Variants in GPC3 observed in about 807,000 individuals in gnomAD.
GPC3 encodes the protein glypican 3.
Under a neutral mutation model 34.4 loss-of-function variants are expected in GPC3, and 3 were observed. The ratio of observed to expected loss-of-function variants is 0.09; its 90% CI spans 0.04 to 0.23. GPC3 has a LOEUF of 0.23. GPC3 is among the 10% of genes least tolerant of loss of function. The pLI is 1.00. For missense variants in GPC3, 351 were observed against 445.6 expected, an observed-to-expected ratio of 0.79 and a Z score of 1.91; for synonymous variants, 177 against 174.0, an observed-to-expected ratio of 1.02 and a Z score of -0.13.
At chrX:133,746,045 A>G (rs961876610) in intron 3 of GPC3, among the ~76,000 whole-genome samples, 1 of 112,221 alleles carries the variant, frequency 8.9e-6, no homozygotes, top group Admixed American at 9.5e-5. Flanking sequence ...GGAGTCATTC[A>G]GCTCTCTTTG....
intron 7 of GPC3, among the ~76,000 whole-genome samples, chrX:133,580,480 G>A (rs917073157): frequency 4.5e-5 from 5 of 111,611 alleles, no homozygotes; most frequent in Admixed American, 9.6e-5. Flanking sequence ...TGGTGTGTGG[G>A]GAGAAGGAAA....
At chrX:133,966,534 G>T (rs988754151) in intron 1 of GPC3, among the ~76,000 whole-genome samples, 1 of 111,661 alleles carries the variant, frequency 9.0e-6, no homozygotes, top group Non-Finnish European at 1.9e-5. Flanking sequence ...TTACATTCTC[G>T]GCCACTGTAA....
At chrX:133,815,782 G>A (rs948524294) in intron 2 of GPC3, among the ~76,000 whole-genome samples, 5 of 111,696 alleles carry the variant, frequency 4.5e-5, no homozygotes, top group South Asian at 3.8e-4. Context: ...TTTGCATGAC[G>A]TTCTTGCCTC....
At chrX:133,556,428 T>A (rs1250068003) in intron 7 of GPC3, among the ~76,000 whole-genome samples, 3 of 111,442 alleles carry the variant, frequency 2.7e-5, no homozygotes, top group African/African-American at 9.8e-5. Context: ...CCTCTTTCTT[T>A]CTCATTACTG....
chrX:133,961,746 C>A (rs932521736), intron 1 of GPC3, among the ~76,000 whole-genome samples: 2 of 111,698 alleles, frequency 1.8e-5, no homozygotes, highest in African/African-American at 6.5e-5. Context: ...GGATACTTCA[C>A]TCACACCCTC....
chrX:133,592,172 C>T (rs941464322), intron 7 of GPC3, among the ~76,000 whole-genome samples: 32 of 109,871 alleles, frequency 2.9e-4, no homozygotes, highest in African/African-American at 8.3e-4. Context: ...ATGTGCACAA[C>T]GTGCAGGTTT....
intron 5 of GPC3, among the ~76,000 whole-genome samples, chrX:133,666,726 T>C (rs1204358710): frequency 8.9e-6 from 1 of 112,349 alleles, no homozygotes; most frequent in African/African-American, 3.2e-5. Flanking sequence ...AAAGTAGATC[T>C]GTATGTGTTG....
At chrX:133,650,304 C>A (rs891532084) in intron 6 of GPC3, among the ~76,000 whole-genome samples, 1 of 110,658 alleles carries the variant, frequency 9.0e-6, no homozygotes, top group East Asian at 2.8e-4. Flanking sequence ...CCTGGTGGGG[C>A]TGAAGATTAA....
At chrX:133,665,443 T>C (rs995673739) in intron 5 of GPC3, among the ~76,000 whole-genome samples, 6 of 111,946 alleles carry the variant, frequency 5.4e-5, no homozygotes, top group Non-Finnish European at 1.1e-4. Context: ...ATACAATATA[T>C]CTGCCAATAT....
intron 1 of GPC3, among the ~76,000 whole-genome samples, chrX:133,953,918 A>T (rs1351791838): frequency 8.9e-6 from 1 of 112,398 alleles, no homozygotes; most frequent in African/African-American, 3.2e-5. Flanking sequence ...CTATAGAGAA[A>T]GTAAAACAAA....
At chrX:133,963,484 C>T (rs773599389) in intron 1 of GPC3, among the ~76,000 whole-genome samples, 40 of 111,950 alleles carry the variant, frequency 3.6e-4, no homozygotes, top group African/African-American at 1.3e-3. Context: ...AAACACATGC[C>T]TCCATTTCCT....
intron 4 of GPC3, among the ~76,000 whole-genome samples, chrX:133,696,244 T>A (rs1376837960): frequency 8.9e-6 from 1 of 112,269 alleles, no homozygotes; most frequent in African/African-American, 3.2e-5. Flanking sequence ...TTTTCGAGGG[T>A]AGGGAAGAAG....
At chrX:133,939,623 C>G (rs2076336450) in intron 2 of GPC3, among the ~76,000 whole-genome samples, 1 of 111,764 alleles carries the variant, frequency 8.9e-6, no homozygotes, top group Non-Finnish European at 1.9e-5. Flanking sequence ...ATCACTTTCC[C>G]CATTAACTCA....
chrX:133,931,932 C>T (rs2076300615), intron 2 of GPC3, among the ~76,000 whole-genome samples: 1 of 111,751 alleles, frequency 8.9e-6, no homozygotes, highest in Non-Finnish European at 1.9e-5. Context: ...GGCTCCCCTC[C>T]AAAAGATCAA....
intron 2 of GPC3, among the ~76,000 whole-genome samples, chrX:133,924,239 T>TGCG (rs2076265906): frequency 9.0e-6 from 1 of 111,696 alleles, no homozygotes; most frequent in Non-Finnish European, 1.9e-5. Flanking sequence ...CCAATGAGTT[T>TGCG]ATCGCACAAT....
intron 6 of GPC3, among the ~76,000 whole-genome samples, chrX:133,607,708 C>T (rs960525166): frequency 1.2e-4 from 13 of 112,487 alleles, no homozygotes; most frequent in African/African-American, 1.9e-4. Flanking sequence ...GCTGAACAGA[C>T]GGACTGAGTG....
At chrX:133,590,758 A>T (rs767435839) in intron 7 of GPC3, among the ~76,000 whole-genome samples, 8 of 111,619 alleles carry the variant, frequency 7.2e-5, no homozygotes, top group Non-Finnish European at 1.3e-4. Flanking sequence ...GGAAAATGAG[A>T]TCTTTTCTAT....
At chrX:133,646,851 G>A (rs968091284) in intron 6 of GPC3, among the ~76,000 whole-genome samples, 1 of 111,514 alleles carries the variant, frequency 9.0e-6, no homozygotes, top group Admixed American at 9.5e-5. Flanking sequence ...GTCAGAAAAG[G>A]GCGACTGAAC....
intron 6 of GPC3, among the ~76,000 whole-genome samples, chrX:133,640,632 C>T (rs182864459): frequency 5.6e-4 from 63 of 112,427 alleles, no homozygotes; most frequent in African/African-American, 2.0e-3. Flanking sequence ...AAAATCTCCT[C>T]CTCAATCTGA....
Sources: allele counts gnomAD v4.1 joint callset (sites outside exome capture counted in the v4.1 genomes callset), GRCh38; gene constraint gnomAD v4.1.1; transcripts MANE v1.5; gene names NCBI Gene and HGNC (gene_info 2026-07-23, HGNC 2026-07-21).